The following JAKMIP1 variants were observed in gnomAD, a reference collection of about 807,000 sequenced individuals.
JAKMIP1 encodes janus kinase and microtubule interacting protein 1.
A neutral mutation model predicts 113.0 loss-of-function variants in JAKMIP1; 33 were observed. That is an observed-to-expected ratio of 0.29 (90% CI 0.22 to 0.39). The LOEUF is 0.39. Among genes scored for constraint, JAKMIP1 ranks in the 10% least tolerant of loss-of-function variants. The probability of loss-of-function intolerance (pLI) is 1.00; values close to 1 mark genes in which losing one functional copy is unlikely to be tolerated. For synonymous variants in JAKMIP1, 480 were observed against 459.9 expected, an observed-to-expected ratio of 1.04 and a Z score of -0.56; for missense variants, 813 against 1,080.5, an observed-to-expected ratio of 0.75 and a Z score of 3.47.
chr4:6,133,165 T>C (rs1718757184), intron 1 of JAKMIP1, among the ~76,000 whole-genome samples: 1 of 152,140 alleles, frequency 6.6e-6, no homozygotes, highest in African/African-American at 2.4e-5. Context: ...CAAATCTGAA[T>C]GAAAATCACA....
At chr4:6,083,032 C>T (rs555124385) in intron 5 of JAKMIP1, among the ~76,000 whole-genome samples, 7 of 152,034 alleles carry the variant, frequency 4.6e-5, no homozygotes, top group Non-Finnish European at 7.4e-5. Context: ...CAAAGTCTCT[C>T]GGTGAGTTTT....
chr4:6,166,182 T>C (rs1166073831), intron 1 of JAKMIP1, among the ~76,000 whole-genome samples: 1 of 152,240 alleles, frequency 6.6e-6, no homozygotes, highest in Non-Finnish European at 1.5e-5. Context: ...CATGTGGGCT[T>C]AGCTTCTGGG....
At chr4:6,125,108 G>T (rs944756965) in intron 1 of JAKMIP1, among the ~76,000 whole-genome samples, 3 of 152,198 alleles carry the variant, frequency 2.0e-5, no homozygotes, top group Non-Finnish European at 4.4e-5. Context: ...CCCAGCCCAT[G>T]TGATGTGGAG....
In JAKMIP1 at chr4:6,049,511, G is replaced by C. The variant is rs1390495264; in HGVS notation, c.1962+308C>G. Among the ~76,000 whole-genome samples the C allele has an allele frequency of 6.6e-6, 1 of 151,946 alleles. No individual in the cohort carries two copies. Among genetic ancestry groups the C allele is most frequent in the African/African-American group, 2.4e-5 (1 of 41,320 alleles). On this transcript the variant is annotated intron_variant, in intron 15 of 20. Transcript: ENST00000409021. The surrounding 1 kb of genome is among the most constrained non-coding windows in gnomAD (Gnocchi z 7.0). ...TACATGCAAGCTCATCTTTCAGGAC[G>C]GCAAAAAGATCCCTTTCTGATTTCA... is the stretch of plus-strand genomic sequence containing the variant.
rs1720497491 is a variant in JAKMIP1 at position 6,143,912 on chromosome 4, C to T, written c.-147-30915G>A. Among the ~76,000 whole-genome samples the T allele has an allele frequency of 6.6e-6, 1 of 152,226 alleles. No individual in the cohort carries two copies. The highest frequency in any genetic ancestry group is 1.5e-5 in the Non-Finnish European group (1 of 68,026). ...TTGGCTGATGGCTCTGGGTGAGTGC[C>T]TTCCTTCCTTCTCAGTCTCCAGGGC... On this transcript the variant is annotated intron_variant, in intron 1 of 20. Transcript: ENST00000409021. This position sits in a 1 kb window ranked among gnomAD's most constrained non-coding sequence, Gnocchi z 4.9.
At chr4:6,062,637 C>G (rs956364220) in intron 9 of JAKMIP1, among the ~76,000 whole-genome samples, 197 bp from the exon 10 acceptor site, 11 of 152,226 alleles carry the variant, frequency 7.2e-5, no homozygotes, top group Admixed American at 6.5e-4. Flanking sequence ...CAGGAAGCAA[C>G]TAGGGCATTG....
rs1339244896 is a variant in JAKMIP1 at position 6,129,379 on chromosome 4, A to G, written c.-147-16382T>C. ...TTGGCTAAATGGTAAGGTACTGACCATTAAGGGTCCTTGGCCTTGCTCTTG... is the reference window on the plus strand; with the variant it reads ...TTGGCTAAATGGTAAGGTACTGACCGTTAAGGGTCCTTGGCCTTGCTCTTG... On this transcript the variant is annotated intron_variant, in intron 1 of 20. Transcript: ENST00000409021. The surrounding 1 kb of genome is among the most constrained non-coding windows in gnomAD (Gnocchi z 5.4). 6.6e-6 allele frequency among the ~76,000 whole-genome samples: 1 copy of G among 152,226 alleles called. No homozygotes were observed. The highest frequency in any genetic ancestry group is 6.5e-5 in the Admixed American group (1 of 15,284).
chr4:6,130,637 A>C (rs1718362695), intron 1 of JAKMIP1, among the ~76,000 whole-genome samples: 1 of 152,242 alleles, frequency 6.6e-6, no homozygotes, highest in South Asian at 2.1e-4. Context: ...TGGAAAAAGC[A>C]GACAACATGC....
intron 16 of JAKMIP1, among the ~76,000 whole-genome samples, chr4:6,047,485 G>A (rs930284272): frequency 6.6e-6 from 1 of 152,156 alleles, no homozygotes; most frequent in African/African-American, 2.4e-5. Context: ...GCCACCAGCC[G>A]GCCAGGTGTG....
chr4:6,181,453 C>T lies in JAKMIP1; in HGVS notation c.-148+18800G>A, dbSNP rs1726010224. ...GAAGGAAGTCCTTCTCAGGTGCAGA[C>T]ATTTGCAGAGTCCCTCAATGTCTCA... On this transcript the variant is annotated intron_variant, in intron 1 of 20. Transcript: ENST00000409021. The surrounding 1 kb of genome is among the most constrained non-coding windows in gnomAD (Gnocchi z 5.4). Among the ~76,000 whole-genome samples, 1 of 152,144 alleles carries T rather than the reference C, an allele frequency of 6.6e-6. No individual in the cohort carries two copies. Among genetic ancestry groups the T allele is most frequent in the South Asian group, 2.1e-4 (1 of 4,816 alleles).
intron 16 of JAKMIP1, among the ~76,000 whole-genome samples, chr4:6,046,709 G>A (rs1471175954): frequency 6.6e-6 from 1 of 152,184 alleles, no homozygotes; most frequent in Admixed American, 6.5e-5. Context: ...GTCCTAGAGG[G>A]CTGCTAATCT....
chr4:6,139,083 C>T lies in JAKMIP1; in HGVS notation c.-147-26086G>A, dbSNP rs1331356834. Among the ~76,000 whole-genome samples the T allele has an allele frequency of 1.3e-3, 40 of 31,256 alleles. No homozygotes were observed. Among genetic ancestry groups the T allele is most frequent in the South Asian group, 3.4e-3 (3 of 874 alleles). The allele number at this position is 31,256 out of a possible 152,430, so 20.5% of individuals were successfully genotyped here. Reference sequence around the variant, plus strand: ...ACACACACACACACACACACACACACATATACACACACACACACACACCAG... The same window carrying T: ...ACACACACACACACACACACACACATATATACACACACACACACACACCAG... On this transcript the variant is annotated intron_variant, in intron 1 of 20. Transcript: ENST00000409021. This position sits in a 1 kb window ranked among gnomAD's most constrained non-coding sequence, Gnocchi z 5.2.
chr4:6,028,214 C>G (rs1424148491), intron 20 of JAKMIP1, among the ~76,000 whole-genome samples: 2 of 152,230 alleles, frequency 1.3e-5, no homozygotes, highest in African/African-American at 4.8e-5. Flanking sequence ...TTCTTAAATC[C>G]AATTATACTT....
rs1720031501 is a variant in JAKMIP1, at chr4:6,140,787, A to T, written c.-147-27790T>A. On this transcript the variant is annotated intron_variant, in intron 1 of 20. Transcript: ENST00000409021. The surrounding 1 kb of genome is among the most constrained non-coding windows in gnomAD (Gnocchi z 9.4). The stretch of plus-strand genomic sequence containing the variant: ...TGTCATCCTTTGGGCAATAAGAAAG[A>T]TGCAATTAAGTAGGCAATTGTAATA... Among the ~76,000 whole-genome samples the T allele has an allele frequency of 6.6e-6, 1 of 152,182 alleles. No homozygotes were observed. The highest frequency in any genetic ancestry group is 6.5e-5 in the Admixed American group (1 of 15,284).
chr4:6,130,369 A>G (rs1377374229), intron 1 of JAKMIP1, among the ~76,000 whole-genome samples: 9 of 152,260 alleles, frequency 5.9e-5, no homozygotes. Context: ...GTCATAGGAC[A>G]AACTACTGCT....
chr4:6,057,905 T>G (rs1378441775), intron 11 of JAKMIP1, among the ~76,000 whole-genome samples: 1 of 152,254 alleles, frequency 6.6e-6, no homozygotes, highest in Non-Finnish European at 1.5e-5. Flanking sequence ...TGGAGGCACC[T>G]GGCCGGGAGC....
In JAKMIP1 at chr4:6,042,500, G is replaced by A. The variant is rs550828438; in HGVS notation, c.2029-273C>T. 1.4e-4 allele frequency among the ~76,000 whole-genome samples: 22 copies of A among 152,146 alleles called. No homozygotes were observed. In the South Asian group the frequency reaches 3.5e-3, roughly 24 times the overall value. ...AGCCTGGATGGACCCGAGTGTGGGC[G>A]GCTGCGAGTGTGTGCAGCAGAGGAA... On this transcript the variant is annotated intron_variant, in intron 16 of 20. Transcript: ENST00000409021. The surrounding 1 kb of genome is among the most constrained non-coding windows in gnomAD (Gnocchi z 5.2).
At chr4:6,171,108 A>C (rs1724600004) in intron 1 of JAKMIP1, among the ~76,000 whole-genome samples, 1 of 141,088 alleles carries the variant, frequency 7.1e-6, no homozygotes, top group Non-Finnish European at 1.5e-5. Flanking sequence ...TACCACCATC[A>C]TCACCACCAC....
rs947912791 is a variant in JAKMIP1 at position 6,081,443 on chromosome 4, G to C, written c.1101+166C>G. On this transcript the variant is annotated intron_variant, in intron 6 of 20. Transcript: ENST00000409021. This position sits in a 1 kb window ranked among gnomAD's most constrained non-coding sequence, Gnocchi z 4.6. Reference sequence around the variant, plus strand: ...CCCACAGCACAGTGAATGTGAGACAGGTGGAGAGAAAGGCGAGACATCTGT... The same window carrying C: ...CCCACAGCACAGTGAATGTGAGACACGTGGAGAGAAAGGCGAGACATCTGT... Among the ~76,000 whole-genome samples the C allele has an allele frequency of 6.6e-5, 10 of 152,200 alleles. No homozygotes were observed. Among genetic ancestry groups the C allele is most frequent in the African/African-American group, 2.2e-4 (9 of 41,448 alleles).
Sources: gnomAD v4.1 joint callset for allele counts (sites outside exome capture counted in the v4.1 genomes callset) on GRCh38, gnomAD v4.1.1 for gene constraint, Gnocchi (gnomAD v3.1) non-coding constraint, MANE v1.5 for transcripts, NCBI Gene and HGNC (gene_info 2026-07-23, HGNC 2026-07-21) for gene names.